NCALD: variants seen among roughly 807,000 people sequenced by gnomAD.
The protein encoded by NCALD is neurocalcin-delta.
A neutral mutation model predicts 18.6 loss-of-function variants in NCALD; 10 were observed. The observed-to-expected ratio is 0.54, with a 90% CI of 0.33 to 0.91. NCALD has a LOEUF of 0.91. Among genes scored for constraint, NCALD ranks in the 40% least tolerant of loss-of-function variants. NCALD has a pLI of 0.03. For missense variants in NCALD, 184 were observed against 247.6 expected (o/e 0.74, Z 1.72); for synonymous variants, 88 against 87.4 (o/e 1.01, Z -0.04).
chr8:102,123,219 G>A (rs1825993529), intron 1 of NCALD, among the ~76,000 whole-genome samples: 1 of 152,216 alleles, frequency 6.6e-6, no homozygotes, highest in Non-Finnish European at 1.5e-5. Context: ...GAGCTTGTGT[G>A]GTTTCCTTCT....
At chr8:101,936,483 G>T (rs142735216) in intron 2 of NCALD, among the ~76,000 whole-genome samples, 1 of 152,280 alleles carries the variant, frequency 6.6e-6, no homozygotes, top group Non-Finnish European at 1.5e-5. Context: ...AAATGTTGCA[G>T]TGGAGTTATT....
intron 1 of NCALD, among the ~76,000 whole-genome samples, chr8:102,086,329 TG>T (rs1436418529): frequency 1.3e-5 from 2 of 152,224 alleles, no homozygotes; most frequent in Admixed American, 1.3e-4. Context: ...CTGGTGATGT[TG>T]GGGTTATTTT....
intron 2 of NCALD, among the ~76,000 whole-genome samples, chr8:101,990,216 A>G (rs1214022411): frequency 6.6e-6 from 1 of 152,242 alleles, no homozygotes; most frequent in African/African-American, 2.4e-5. Context: ...CAACCTGTAA[A>G]AAGTGCACAG....
At chr8:101,967,461 A>T (rs1221942793) in intron 2 of NCALD, among the ~76,000 whole-genome samples, 1 of 152,160 alleles carries the variant, frequency 6.6e-6, no homozygotes, top group Non-Finnish European at 1.5e-5. Context: ...CGGAAGGGAC[A>T]GGAATCCTAG....
At chr8:101,982,750 A>G (rs965265635) in intron 2 of NCALD, among the ~76,000 whole-genome samples, 2 of 151,868 alleles carry the variant, frequency 1.3e-5, no homozygotes, top group African/African-American at 4.8e-5. Flanking sequence ...CTGAGGCAGG[A>G]GAATTGCTTG....
chr8:101,895,166 T>G (rs949581498), intron 3 of NCALD, among the ~76,000 whole-genome samples: 1 of 151,084 alleles, frequency 6.6e-6, no homozygotes, highest in Non-Finnish European at 1.5e-5. Flanking sequence ...TTATCCACCA[T>G]GATCAAGTGG....
intron 1 of NCALD, among the ~76,000 whole-genome samples, chr8:102,094,137 A>G (rs1485764808): frequency 6.6e-6 from 1 of 152,230 alleles, no homozygotes; most frequent in East Asian, 1.9e-4. Context: ...TCACTCTTCA[A>G]ATACAAAACT....
chr8:102,108,094 A>G (rs1461437243), intron 1 of NCALD, among the ~76,000 whole-genome samples: 1 of 152,170 alleles, frequency 6.6e-6, no homozygotes, highest in Non-Finnish European at 1.5e-5. Flanking sequence ...GGGGGAGGGA[A>G]GGAGACTTGG....
chr8:101,949,628 A>T (rs963009242), intron 2 of NCALD, among the ~76,000 whole-genome samples: 1 of 152,180 alleles, frequency 6.6e-6, no homozygotes, highest in Non-Finnish European at 1.5e-5. Flanking sequence ...GTTACAGAGT[A>T]TCCTTCCCAG....
intron 1 of NCALD, among the ~76,000 whole-genome samples, chr8:101,754,565 G>C (rs1160122163): frequency 6.6e-6 from 1 of 152,072 alleles, no homozygotes; most frequent in African/African-American, 2.4e-5. Flanking sequence ...TTTTATAAGG[G>C]CACTAATCCC....
chr8:101,931,275 A>C (rs1818562209), intron 2 of NCALD, among the ~76,000 whole-genome samples: 1 of 152,238 alleles, frequency 6.6e-6, no homozygotes, highest in Middle Eastern at 3.2e-3. Context: ...GATCTGAGGC[A>C]GTTCACTTAT....
At position 101,911,519 on chromosome 8, in the gene NCALD, G is replaced by A. The variant is rs570220498; in HGVS notation, c.-107+4290C>T. 9.9e-5 allele frequency among the ~76,000 whole-genome samples: 15 copies of A among 151,538 alleles called. No individual in the cohort carries two copies. The East Asian group carries it at 1.2e-3, about 12-fold the overall frequency. On this transcript the variant is annotated intron_variant, in intron 3 of 6. Coordinates refer to the NCALD transcript ENST00000311028. ...ACTGCAGGCAGACACCACCATGCCCGGCGAATTTTTGTATTTTCAGTAGAG... is the reference window on the plus strand; with the variant it reads ...ACTGCAGGCAGACACCACCATGCCCAGCGAATTTTTGTATTTTCAGTAGAG...
At chr8:101,754,432 G>A (rs898298665) in intron 1 of NCALD, among the ~76,000 whole-genome samples, 2 of 152,128 alleles carry the variant, frequency 1.3e-5, no homozygotes, top group South Asian at 4.1e-4. Context: ...AGACTGGGAA[G>A]TCCAAGATGA....
At chr8:101,766,880 C>T (rs570600518) in intron 1 of NCALD, among the ~76,000 whole-genome samples, 25 of 152,162 alleles carry the variant, frequency 1.6e-4, no homozygotes, top group African/African-American at 4.1e-4. Context: ...CGCCTGGCCC[C>T]GCAAAGAAGT....
At chr8:101,860,726 A>G (rs571415265) in intron 4 of NCALD, among the ~76,000 whole-genome samples, 1 of 152,272 alleles carries the variant, frequency 6.6e-6, no homozygotes, top group African/African-American at 2.4e-5. Flanking sequence ...GAAGGTGTGC[A>G]CTGGAGAATT....
chr8:101,990,673 G>T (rs765543916), intron 2 of NCALD, among the ~76,000 whole-genome samples: 3 of 152,116 alleles, frequency 2.0e-5, no homozygotes, highest in Non-Finnish European at 2.9e-5. Context: ...CTTCTGCCAC[G>T]ATTGTGAGGC....
intron 1 of NCALD, among the ~76,000 whole-genome samples, chr8:101,744,114 T>C (rs548942144): frequency 6.6e-6 from 1 of 152,178 alleles, no homozygotes; most frequent in Non-Finnish European, 1.5e-5. Flanking sequence ...TCATGCTACC[T>C]CTGATAGCCC....
chr8:101,931,233 T>C (rs1018498298), intron 2 of NCALD, among the ~76,000 whole-genome samples: 1 of 152,296 alleles, frequency 6.6e-6, no homozygotes, highest in Non-Finnish European at 1.5e-5. Context: ...TGCCAAATGG[T>C]GATTTGGACT....
intron 3 of NCALD, among the ~76,000 whole-genome samples, chr8:101,888,933 C>T (rs1468291472): frequency 6.6e-6 from 1 of 152,162 alleles, no homozygotes; most frequent in Non-Finnish European, 1.5e-5. Flanking sequence ...AACAAGTCTA[C>T]CCTTTTCCCT....
Sources: allele counts gnomAD v4.1 joint callset (sites outside exome capture counted in the v4.1 genomes callset), GRCh38; gene constraint gnomAD v4.1.1; transcripts MANE v1.5; gene names NCBI Gene and HGNC (gene_info 2026-07-23, HGNC 2026-07-21).